PDHA2: variants seen among roughly 807,000 people sequenced by gnomAD.
PDHA2 encodes pyruvate dehydrogenase E1 subunit alpha 2.
For missense variants in PDHA2, 533 were observed against 495.8 expected (o/e 1.07, Z -0.71); for synonymous variants, 188 against 185.9 (o/e 1.01, Z -0.09).
Position 95,840,183 on chromosome 4 carries a change from G to A in PDHA2, c.33G>A (p.Arg11=), listed in dbSNP as rs773534648. 9 of 1,613,594 alleles carry A rather than the reference G, an allele frequency of 5.6e-6. No homozygotes were observed. In the African/African-American group the frequency reaches 1.1e-4, roughly 19 times the overall value. ...CCGCCTTCATCTCCCGCGTGTTGAGGCGAGTTGCCCAGAAATCAGCTCGCA... is the reference window on the plus strand; with the variant it reads ...CCGCCTTCATCTCCCGCGTGTTGAGACGAGTTGCCCAGAAATCAGCTCGCA... MLAAFISRVL[R]RVAQKSARRV... is the part of the protein sequence containing the mutation. Residue 11 remains arginine, a synonymous_variant, in exon 1 of 1, where the codon AGG becomes AGA. Coordinates refer to ENST00000295266, the MANE Select transcript of PDHA2 (RefSeq NM_005390.5).
chr4:95,840,554 A>G lies in PDHA2; in HGVS notation c.404A>G (p.Glu135Gly). The G allele has an allele frequency of 6.2e-7, 1 of 1,614,158 alleles. No individual in the cohort carries two copies. The highest frequency in any genetic ancestry group is 1.7e-5 in the Admixed American group (1 of 60,030). Residue 135 changes from glutamate to glycine, a missense_variant, in exon 1 of 1, where the codon GAG becomes GGG. By Grantham distance (98) the Glu-to-Gly change is moderately conservative (BLOSUM62 -2). Coordinates refer to ENST00000295266, the MANE Select transcript of PDHA2 (RefSeq NM_005390.5). ...RGLSVRSILA[E>G]LTGRRGGCAK... ...CTTTCTGTCCGATCCATTCTCGCAG[A>G]GCTGACGGGAAGAAGAGGAGGTTGT...
Position 95,840,909 on chromosome 4 carries a change from T to A in PDHA2, c.759T>A (p.Asp253Glu), listed in dbSNP as rs767778676. The A allele has an allele frequency of 3.7e-5, 60 of 1,614,012 alleles. No individual in the cohort carries two copies. The highest frequency in any genetic ancestry group is 4.7e-5 in the Non-Finnish European group (56 of 1,180,036). ...ATTTTATCCCTGGGCTAAAGGTCGATGGAATGGATGTTCTGTGTGTTCGTG... is the reference window on the plus strand; with the variant it reads ...ATTTTATCCCTGGGCTAAAGGTCGAAGGAATGGATGTTCTGTGTGTTCGTG... Reference protein sequence around the residue: ...RGNFIPGLKVDGMDVLCVREA... With the variant: ...RGNFIPGLKVEGMDVLCVREA... The change falls in exon 1 of 1, where the codon GAT (aspartate) becomes GAA (glutamate). Residue 253 changes from aspartate to glutamate, a missense_variant. Physicochemically the swap from Asp to Glu is conservative, Grantham distance 45. Transcript: ENST00000295266.
chr4:95,841,309 G>T lies in PDHA2; in HGVS notation c.1159G>T (p.Val387Phe), dbSNP rs756609145. 6.8e-6 allele frequency: 11 copies of T among 1,612,604 alleles called. No individual in the cohort carries two copies. The highest frequency in any genetic ancestry group is 8.5e-6 in the Non-Finnish European group (10 of 1,178,748). ...GANPWIKFKS[V>F]S Reference sequence around the variant, plus strand: ...AAATCCATGGATCAAGTTTAAGTCCGTCAGTTAAAGGGAGGCTACGTGTGA... The same window carrying T: ...AAATCCATGGATCAAGTTTAAGTCCTTCAGTTAAAGGGAGGCTACGTGTGA... The change falls in exon 1 of 1, where the codon GTC (valine) becomes TTC (phenylalanine). Residue 387 changes from valine (V) to phenylalanine (F), a missense_variant. Physicochemically the swap from Val to Phe is conservative, Grantham distance 50. Coordinates refer to ENST00000295266, the MANE Select transcript of PDHA2 (RefSeq NM_005390.5).
Position 95,840,465 on chromosome 4 carries a change from CATA to C in PDHA2, c.317_319del (p.Ile106del), listed in dbSNP as rs1723481925. ...CTTGTTGCGTGGGCCTTGAGGCCGG[CATA>C]AACCCCTCGGATCACGTCATTACAT... On this transcript the variant is annotated inframe_deletion, in exon 1 of 1. Coordinates refer to ENST00000295266, the MANE Select transcript of PDHA2 (RefSeq NM_005390.5). 2 of 1,614,068 alleles carry C rather than the reference CATA, an allele frequency of 1.2e-6. No individual in the cohort carries two copies. Among genetic ancestry groups the C allele is most frequent in the Non-Finnish European group, 1.7e-6 (2 of 1,180,046 alleles).
At position 95,840,812 on chromosome 4, in the gene PDHA2, A is replaced by G. The variant is rs1174570998; in HGVS notation, c.662A>G (p.Glu221Gly). ...LWKLPCVFICENNLYGMGTST... is the reference protein window; with the variant it reads ...LWKLPCVFICGNNLYGMGTST... Reference sequence around the variant, plus strand: ...AAATTACCTTGTGTTTTCATCTGTGAGAATAACCTATATGGAATGGGAACA... The same window carrying G: ...AAATTACCTTGTGTTTTCATCTGTGGGAATAACCTATATGGAATGGGAACA... The change falls in exon 1 of 1, where the codon GAG (glutamate) becomes GGG (glycine). Residue 221 changes from glutamate (E) to glycine (G), a missense_variant. By Grantham distance (98) the Glu-to-Gly change is moderately conservative. Coordinates refer to ENST00000295266, the MANE Select transcript of PDHA2 (RefSeq NM_005390.5). 6.2e-7 allele frequency: 1 copy of G among 1,614,170 alleles called. No individual in the cohort carries two copies. Among genetic ancestry groups the G allele is most frequent in the South Asian group, 1.1e-5 (1 of 91,086 alleles).
rs150761581 is a variant in PDHA2, at chr4:95,841,263, A to C, written c.1113A>C (p.Ser371=). ...GCCATCACATCTACAGCAGTGATTC[A>C]TCTTTTGAAGTTCGTGGTGCAAATC... is the stretch of plus-strand genomic sequence containing the variant. ...ELGHHIYSSD[S]SFEVRGANPW... is the part of the protein sequence containing the mutation. Residue 371 remains serine (S), a synonymous_variant, in exon 1 of 1, where the codon TCA becomes TCC. Coordinates refer to ENST00000295266, the MANE Select transcript of PDHA2 (RefSeq NM_005390.5). The C allele has an allele frequency of 7.7e-5, 125 of 1,614,154 alleles. 1 individual carries two copies. The African/African-American group carries it at 1.6e-3, about 21-fold the overall frequency.
At position 95,841,287 on chromosome 4, in the gene PDHA2, T is replaced by C. The variant is rs1723514024; in HGVS notation, c.1137T>C (p.Asn379=). ...SDSSFEVRGA[N]PWIKFKSVS ...CATCTTTTGAAGTTCGTGGTGCAAA[T>C]CCATGGATCAAGTTTAAGTCCGTCA... The change falls in exon 1 of 1, where the codon AAT becomes AAC. Residue 379 remains asparagine (N), a synonymous_variant. Transcript: ENST00000295266. The C allele has an allele frequency of 7.4e-6, 12 of 1,613,984 alleles. No individual in the cohort carries two copies. Among genetic ancestry groups the C allele is most frequent in the Non-Finnish European group, 9.3e-6 (11 of 1,179,956 alleles).
At position 95,841,332 on chromosome 4, in the gene PDHA2, T is replaced by C. The variant is rs1277493364; in HGVS notation, c.*15T>C. Reference sequence around the variant, plus strand: ...CCGTCAGTTAAAGGGAGGCTACGTGTGAATTTATCATCAGTCTCTCAATGG... The same window carrying C: ...CCGTCAGTTAAAGGGAGGCTACGTGCGAATTTATCATCAGTCTCTCAATGG... On this transcript the variant is annotated 3_prime_UTR_variant, in exon 1 of 1. Coordinates refer to ENST00000295266, the MANE Select transcript of PDHA2 (RefSeq NM_005390.5). 1 of 1,592,700 alleles carries C rather than the reference T, an allele frequency of 6.3e-7. No individual in the cohort carries two copies.
chr4:95,841,461 G>T lies in PDHA2; in HGVS notation c.*144G>T. 1.5e-6 allele frequency: 1 copy of T among 656,598 alleles called. No homozygotes were observed. Among genetic ancestry groups the T allele is most frequent in the Non-Finnish European group, 2.7e-6 (1 of 376,200 alleles). 40.7% of individuals were successfully genotyped at this position (656,598 alleles called of 1,614,324 possible). A position where few individuals can be genotyped will look rare whatever the true frequency, so the allele number is the denominator to read the frequency against. On this transcript the variant is annotated 3_prime_UTR_variant, in exon 1 of 1. Transcript: ENST00000295266. ...CATTTATTAAAAGAGATTATTAAAAGAGATTGAAAGACATGCATTCAATAA... is the reference window on the plus strand; with the variant it reads ...CATTTATTAAAAGAGATTATTAAAATAGATTGAAAGACATGCATTCAATAA...
Position 95,841,054 on chromosome 4 carries a change from C to A in PDHA2, c.904C>A (p.Arg302=), listed in dbSNP as rs755333932. 3.1e-6 allele frequency: 5 copies of A among 1,613,954 alleles called. No homozygotes were observed. Among genetic ancestry groups the A allele is most frequent in the Non-Finnish European group, 4.2e-6 (5 of 1,179,992 alleles). The change falls in exon 1 of 1, where the codon CGA becomes AGA. Residue 302 remains arginine, a synonymous_variant. Transcript: ENST00000295266. ...TGATCCTGGAGTCAGTTATCGTACA[C>A]GAGAAGAAATTCAGGAAGTAAGAAG... ...MSDPGVSYRT[R]EEIQEVRSKR...
rs1261454419 is a variant in PDHA2 at position 95,840,838 on chromosome 4, TCTA to T, written c.691_693del (p.Thr231del). 6.2e-7 allele frequency: 1 copy of T among 1,613,930 alleles called. No individual in the cohort carries two copies. The highest frequency in any genetic ancestry group is 1.3e-5 in the African/African-American group (1 of 74,920). ...GAATAACCTATATGGAATGGGAACA[TCTA>T]CTGAGAGAGCAGCAGCCAGCCCTGA... On this transcript the variant is annotated inframe_deletion, in exon 1 of 1. Coordinates refer to ENST00000295266, the MANE Select transcript of PDHA2 (RefSeq NM_005390.5).
rs1382289172 is a variant in PDHA2, at chr4:95,840,539, G to A, written c.389G>A (p.Arg130Gln). ...GVCYTRGLSV[R>Q]SILAELTGRR... is the part of the protein sequence containing the mutation. ...TGCTATACTCGGGGACTTTCTGTCC[G>A]ATCCATTCTCGCAGAGCTGACGGGA... Residue 130 changes from arginine to glutamine, a missense_variant, in exon 1 of 1, where the codon CGA becomes CAA. By Grantham distance (43) the Arg-to-Gln change is conservative. Coordinates refer to ENST00000295266, the MANE Select transcript of PDHA2 (RefSeq NM_005390.5). 1 of 1,614,132 alleles carries A rather than the reference G, an allele frequency of 6.2e-7. No individual in the cohort carries two copies. Among genetic ancestry groups the A allele is most frequent in the Non-Finnish European group, 8.5e-7 (1 of 1,180,028 alleles).
chr4:95,840,829 A>G lies in PDHA2; in HGVS notation c.679A>G (p.Met227Val), dbSNP rs200969445. 115 of 1,614,114 alleles carry G rather than the reference A, an allele frequency of 7.1e-5. 5 individuals are homozygous for G. The Middle Eastern group carries it at 4.1e-3, about 58-fold the overall frequency. Residue 227 changes from methionine to valine, a missense_variant, in exon 1 of 1, where the codon ATG becomes GTG. Coordinates refer to ENST00000295266, the MANE Select transcript of PDHA2 (RefSeq NM_005390.5). ...VFICENNLYG[M>V]GTSTERAAAS... ...CATCTGTGAGAATAACCTATATGGA[A>G]TGGGAACATCTACTGAGAGAGCAGC...
chr4:95,841,072 G>A lies in PDHA2; in HGVS notation c.922G>A (p.Val308Ile), dbSNP rs1157919006. 1.9e-6 allele frequency: 3 copies of A among 1,614,116 alleles called. No homozygotes were observed. The East Asian group carries it at 6.7e-5, about 36-fold the overall frequency. Residue 308 changes from valine (V) to isoleucine (I), a missense_variant, in exon 1 of 1, where the codon GTA (valine) becomes ATA (isoleucine). Coordinates refer to ENST00000295266, the MANE Select transcript of PDHA2 (RefSeq NM_005390.5). ...TCGTACACGAGAAGAAATTCAGGAA[G>A]TAAGAAGTAAGAGGGATCCTATAAT... The part of the protein sequence containing the change: ...SYRTREEIQE[V>I]RSKRDPIIIL...
At position 95,840,825 on chromosome 4, in the gene PDHA2, T is replaced by A; in HGVS notation, c.675T>A (p.Tyr225Ter). The A allele has an allele frequency of 6.2e-7, 1 of 1,614,112 alleles. No individual in the cohort carries two copies. Among genetic ancestry groups the A allele is most frequent in the Non-Finnish European group, 8.5e-7 (1 of 1,180,018 alleles). Reference protein sequence around the residue: ...PCVFICENNLYGMGTSTERAA... With the variant: ...PCVFICENNL The stretch of plus-strand genomic sequence containing the variant: ...TTTTCATCTGTGAGAATAACCTATA[T>A]GGAATGGGAACATCTACTGAGAGAG... The change falls in exon 1 of 1, where the codon TAT becomes TAA. Residue 225 changes from tyrosine (Y) to a stop codon, truncating the protein, a stop_gained. Coordinates refer to ENST00000295266, the MANE Select transcript of PDHA2 (RefSeq NM_005390.5). LOFTEE classifies it low-confidence loss of function (END_TRUNC).
rs889980218 is a variant in PDHA2 at position 95,841,431 on chromosome 4, G to A, written c.*114G>A. The A allele has an allele frequency of 3.9e-6, 3 of 771,760 alleles. No individual in the cohort carries two copies. Among genetic ancestry groups the A allele is most frequent in the African/African-American group, 3.5e-5 (2 of 57,082 alleles). The allele number at this position is 771,760 out of a possible 1,614,324, so 47.8% of individuals were successfully genotyped here. On this transcript the variant is annotated 3_prime_UTR_variant, in exon 1 of 1. Transcript: ENST00000295266. ...ATAAAACTCATAAAACAAAAGCCTT[G>A]TAAGCATTTATTAAAAGAGATTATT...
In PDHA2 at chr4:95,841,069, G is replaced by A. The variant is rs1409913922; in HGVS notation, c.919G>A (p.Glu307Lys). The A allele has an allele frequency of 6.2e-6, 10 of 1,614,010 alleles. No homozygotes were observed. Among genetic ancestry groups the A allele is most frequent in the Non-Finnish European group, 8.5e-6 (10 of 1,180,016 alleles). Residue 307 changes from glutamate to lysine, a missense_variant, in exon 1 of 1, where the codon GAA becomes AAA. Physicochemically the swap from Glu to Lys is moderately conservative, Grantham distance 56 (BLOSUM62 1). Coordinates refer to ENST00000295266, the MANE Select transcript of PDHA2 (RefSeq NM_005390.5). ...TTATCGTACACGAGAAGAAATTCAG[G>A]AAGTAAGAAGTAAGAGGGATCCTAT... is the stretch of plus-strand genomic sequence containing the variant. ...VSYRTREEIQ[E>K]VRSKRDPIII...
chr4:95,840,728 G>C lies in PDHA2; in HGVS notation c.578G>C (p.Gly193Ala), dbSNP rs199725544. 1.2e-6 allele frequency: 2 copies of C among 1,614,192 alleles called. No homozygotes were observed. The highest frequency in any genetic ancestry group is 2.7e-5 in the African/African-American group (2 of 75,062). The part of the protein sequence containing the change: ...GNDEICLTLY[G>A]DGAANQGQIA... ...GATGAGATCTGTTTGACTTTATATG[G>C]GGATGGCGCTGCGAATCAGGGGCAG... Residue 193 changes from glycine to alanine, a missense_variant, in exon 1 of 1, where the codon GGG (glycine) becomes GCG (alanine). Transcript: ENST00000295266.
In PDHA2 at chr4:95,841,329, G is replaced by A. The variant is rs776111606; in HGVS notation, c.*12G>A. On this transcript the variant is annotated 3_prime_UTR_variant, in exon 1 of 1. Transcript: ENST00000295266. ...AGTCCGTCAGTTAAAGGGAGGCTAC[G>A]TGTGAATTTATCATCAGTCTCTCAA... 3.7e-6 allele frequency: 6 copies of A among 1,601,930 alleles called. No homozygotes were observed. Among genetic ancestry groups the A allele is most frequent in the Admixed American group, 3.3e-5 (2 of 59,886 alleles).
Sources: gnomAD v4.1 joint callset for allele counts on GRCh38, gnomAD v4.1.1 for gene constraint, MANE v1.5 for transcripts, NCBI Gene and HGNC (gene_info 2026-07-23, HGNC 2026-07-21) for gene names.